The following SLC38A9 variants were observed in gnomAD, a reference collection of about 807,000 sequenced individuals.
SLC38A9 encodes the protein solute carrier family 38 member 9.
SLC38A9 carries 48 observed loss-of-function variants against 62.3 expected under a neutral mutation model. That is an observed-to-expected ratio of 0.77 (90% CI 0.61 to 0.98). SLC38A9 has a LOEUF of 0.98. Among genes scored for constraint, SLC38A9 ranks in the 50% least tolerant of loss-of-function variants. The probability of loss-of-function intolerance (pLI) is 0.00; values close to 1 mark genes in which losing one functional copy is unlikely to be tolerated. For missense variants in SLC38A9, 541 were observed against 679.8 expected (o/e 0.80, Z 2.27); for synonymous variants, 204 against 227.7 (o/e 0.90, Z 0.94).
chr5:55,693,712 T>C (rs1158070779), intron 3 of SLC38A9, among the ~76,000 whole-genome samples: 1 of 152,160 alleles, frequency 6.6e-6, no homozygotes. Context: ...GATTCTAATA[T>C]ACATATTTAA....
intron 3 of SLC38A9, among the ~76,000 whole-genome samples, chr5:55,678,780 C>T (rs1380580015): frequency 6.7e-6 from 1 of 149,684 alleles, no homozygotes; most frequent in African/African-American, 2.5e-5. Flanking sequence ...CCTGCCTCAG[C>T]CTCCCGAGTA....
At chr5:55,649,088 C>T in intron 11 of SLC38A9, 119 bp downstream of exon 11, 1 of 522,652 alleles carries the variant, frequency 1.9e-6, no homozygotes, top group Non-Finnish European at 3.3e-6. Flanking sequence ...CTGTTTTTAA[C>T]TTAATAGCAT....
intron 3 of SLC38A9, among the ~76,000 whole-genome samples, chr5:55,680,616 T>A (rs1752866332): frequency 6.6e-6 from 1 of 152,144 alleles, no homozygotes; most frequent in Non-Finnish European, 1.5e-5. Context: ...AATAAATTTC[T>A]GTTCTTTATA....
At chr5:55,694,221 A>AAG in intron 3 of SLC38A9, 1 of 274,306 alleles carries the variant, frequency 3.6e-6, no homozygotes. Context: ...AAAAAAAAAA[A>AAG]AAATCACTGT....
chr5:55,711,975 A>T (rs1413698234), intron 1 of SLC38A9, among the ~76,000 whole-genome samples: 1 of 151,674 alleles, frequency 6.6e-6, no homozygotes, highest in African/African-American at 2.4e-5. Flanking sequence ...ACCCCGAGGG[A>T]CTCCTGACTT....
At chr5:55,694,207 C>CAAAAA (rs3884110) in intron 3 of SLC38A9, 23 of 172,044 alleles carry the variant, frequency 1.3e-4, no homozygotes, top group South Asian at 6.4e-4. Context: ...GACCCTGTCT[C>CAAAAA]AAAAAAAAAA....
intron 3 of SLC38A9, among the ~76,000 whole-genome samples, chr5:55,677,441 G>A (rs1419188534): frequency 6.6e-6 from 1 of 152,084 alleles, no homozygotes; most frequent in Non-Finnish European, 1.5e-5. Context: ...AAGACTTCAG[G>A]ACCTTCCTAA....
chr5:55,658,443 C>A (rs1312345119), intron 8 of SLC38A9, among the ~76,000 whole-genome samples: 1 of 152,148 alleles, frequency 6.6e-6, no homozygotes, highest in East Asian at 1.9e-4. Flanking sequence ...CATAAACCAC[C>A]GCGCCCAGCC....
Position 55,709,938 on chromosome 5 carries a change from G to A in SLC38A9, c.-35+1514C>T, listed in dbSNP as rs374300724. ...CAAAAAATTAGCCGGGTATGGTGGC[G>A]TGTGCCTGTAGTCCCAGCTACTTGG... On this transcript the variant is annotated intron_variant, in intron 2 of 15. Transcript: ENST00000396865. Among the ~76,000 whole-genome samples the A allele has an allele frequency of 4.6e-4, 70 of 151,316 alleles. No homozygotes were observed. The East Asian group carries it at 7.8e-3, about 17-fold the overall frequency.
chr5:55,686,143 G>A (rs1263328352), intron 3 of SLC38A9, among the ~76,000 whole-genome samples: 1 of 152,094 alleles, frequency 6.6e-6, no homozygotes, highest in Non-Finnish European at 1.5e-5. Flanking sequence ...TATATACCCA[G>A]TAATGGGATT....
rs531759206 is a variant in SLC38A9 at position 55,700,819 on chromosome 5, A to C, written c.-34-2827T>G. Among the ~76,000 whole-genome samples the C allele has an allele frequency of 1.3e-3, 198 of 152,316 alleles. 1 individual carries two copies. The highest frequency in any genetic ancestry group is 0.01 in the Middle Eastern group (3 of 294). ...AAAAGAATCACTTTCCTCCTTGACAAGCTGGATTCACTGGGCCTCCAGGTT... is the reference window on the plus strand; with the variant it reads ...AAAAGAATCACTTTCCTCCTTGACACGCTGGATTCACTGGGCCTCCAGGTT... On this transcript the variant is annotated intron_variant, in intron 2 of 15. Coordinates refer to ENST00000396865, the MANE Select transcript of SLC38A9 (RefSeq NM_173514.4).
chr5:55,648,726 T>C (rs1248768887), intron 11 of SLC38A9, among the ~76,000 whole-genome samples: 1 of 152,116 alleles, frequency 6.6e-6, no homozygotes, highest in Non-Finnish European at 1.5e-5. Flanking sequence ...ATTACAGAAA[T>C]GCAAATTAAA....
At chr5:55,709,566 A>G (rs773372329) in intron 2 of SLC38A9, among the ~76,000 whole-genome samples, 30 of 152,118 alleles carry the variant, frequency 2.0e-4, no homozygotes, top group South Asian at 4.2e-4. Flanking sequence ...TGAGTATCAG[A>G]GCAAAACTCT....
chr5:55,682,485 A>G (rs929833767), intron 3 of SLC38A9, among the ~76,000 whole-genome samples: 5 of 152,186 alleles, frequency 3.3e-5, no homozygotes, highest in African/African-American at 1.2e-4. Context: ...CTAATGAAAA[A>G]TGAGTTCTAA....
At chr5:55,672,969 T>TA (rs1410850425) in intron 3 of SLC38A9, 2 of 340,486 alleles carry the variant, frequency 5.9e-6, no homozygotes, top group Non-Finnish European at 5.3e-6. Context: ...AGAAAGAACT[T>TA]AAAACAGTTA....
At chr5:55,635,425 C>A in intron 13 of SLC38A9, 119 bp downstream of exon 13, 1 of 746,936 alleles carries the variant, frequency 1.3e-6, no homozygotes, top group Non-Finnish European at 2.4e-6. Context: ...GAGTAGATAG[C>A]AGAGATGGTA....
At chr5:55,647,588 C>G (rs947529700) in intron 11 of SLC38A9, among the ~76,000 whole-genome samples, 2 of 152,186 alleles carry the variant, frequency 1.3e-5, no homozygotes, top group South Asian at 4.1e-4. Context: ...TTTCCTGTCT[C>G]TCAGAGTAAT....
chr5:55,655,106 T>C (rs539711332), intron 9 of SLC38A9, among the ~76,000 whole-genome samples: 87 of 152,284 alleles, frequency 5.7e-4, no homozygotes, highest in Non-Finnish European at 1.0e-3. Context: ...TCCCAAAGTG[T>C]TAGAATCAAA....
intron 11 of SLC38A9, among the ~76,000 whole-genome samples, chr5:55,647,569 T>G (rs1746615933): frequency 6.6e-6 from 1 of 152,240 alleles, no homozygotes; most frequent in Non-Finnish European, 1.5e-5. Flanking sequence ...TCTTTTCAAT[T>G]TAGCTGAATT....
Sources: allele counts gnomAD v4.1 joint callset (sites outside exome capture counted in the v4.1 genomes callset), GRCh38; gene constraint gnomAD v4.1.1; transcripts MANE v1.5; gene names NCBI Gene and HGNC (gene_info 2026-07-23, HGNC 2026-07-21).